Variants in AQR observed in about 807,000 individuals in gnomAD.
AQR encodes the protein aquarius intron-binding spliceosomal factor.
AQR carries 61 observed loss-of-function variants against 180.5 expected under a neutral mutation model. That is an observed-to-expected ratio of 0.34 (90% CI 0.28 to 0.42). The LOEUF (loss-of-function observed/expected upper bound fraction) is 0.42, where lower values mean the gene tolerates loss of function less well. Among genes scored for constraint, AQR ranks in the 10% least tolerant of loss-of-function variants. The pLI is 1.00. For missense variants in AQR, 1,281 were observed against 1,798.3 expected, an observed-to-expected ratio of 0.71 and a Z score of 5.20; for synonymous variants, 551 against 588.8, an observed-to-expected ratio of 0.94 and a Z score of 0.93.
chr15:34,880,685 G>A (rs1468468501), intron 27 of AQR, among the ~76,000 whole-genome samples: 2 of 152,196 alleles, frequency 1.3e-5, no homozygotes, highest in East Asian at 1.9e-4. Context: ...CCAAAGTTAC[G>A]ACATAACTAT....
chr15:34,874,507 T>A, intron 29 of AQR, 170 bp downstream of exon 29: 1 of 595,600 alleles, frequency 1.7e-6, no homozygotes, highest in Non-Finnish European at 2.9e-6. Flanking sequence ...AATTATTTGG[T>A]CCATTCACAT....
At chr15:34,902,461 T>C (rs1235644084) in intron 19 of AQR, among the ~76,000 whole-genome samples, 1 of 151,454 alleles carries the variant, frequency 6.6e-6, no homozygotes, top group Non-Finnish European at 1.5e-5. Context: ...TCATTCCCCC[T>C]CTTTCTTGGA....
intron 24 of AQR, among the ~76,000 whole-genome samples, chr15:34,889,481 TAAATA>T (rs1308271228): frequency 6.6e-6 from 1 of 152,182 alleles, no homozygotes; most frequent in African/African-American, 2.4e-5. Flanking sequence ...GATTTAAATA[TAAATA>T]AAATGAGACA....
chr15:34,869,989 T>C (rs1892792500), intron 31 of AQR: 1 of 152,190 alleles, frequency 6.6e-6, no homozygotes, highest in African/African-American at 2.4e-5. Context: ...CCCTTTATAC[T>C]ATTCATCACT....
At position 34,943,616 on chromosome 15, in the gene AQR, A is replaced by T. The variant is rs115535409; in HGVS notation, c.471+672T>A. 2.9e-3 allele frequency among the ~76,000 whole-genome samples: 436 copies of T among 152,292 alleles called. 2 individuals carry two copies. Among genetic ancestry groups the T allele is most frequent in the African/African-American group, 0.01 (417 of 41,566 alleles). ...ATCCATCTATTAACACTCAGTCTTCAGAATAAGAAAGAACTCCATGCATTC... is the reference window on the plus strand; with the variant it reads ...ATCCATCTATTAACACTCAGTCTTCTGAATAAGAAAGAACTCCATGCATTC... On this transcript the variant is annotated intron_variant, in intron 6 of 34. Coordinates refer to ENST00000156471, the MANE Select transcript of AQR (RefSeq NM_014691.3).
chr15:34,938,686 G>T, intron 9 of AQR, 51 bp downstream of exon 9: 1 of 1,157,138 alleles, frequency 8.6e-7, no homozygotes, highest in South Asian at 1.3e-5. Context: ...AAATACCATA[G>T]GGGCAGCTAT....
chr15:34,899,945 T>C (rs1467620000), intron 20 of AQR, among the ~76,000 whole-genome samples: 1 of 152,170 alleles, frequency 6.6e-6, no homozygotes, highest in Non-Finnish European at 1.5e-5. Flanking sequence ...CAGGCTGGAG[T>C]ACAGTGGCAC....
At chr15:34,965,009 G>A (rs926917232) in intron 1 of AQR, among the ~76,000 whole-genome samples, 1 of 152,172 alleles carries the variant, frequency 6.6e-6, no homozygotes, top group Non-Finnish European at 1.5e-5. Context: ...TGACTACTCT[G>A]CAGTGTCTGG....
At chr15:34,956,426 G>A (rs1026666871) in intron 3 of AQR, among the ~76,000 whole-genome samples, 5 of 151,930 alleles carry the variant, frequency 3.3e-5, no homozygotes, top group Non-Finnish European at 5.9e-5. Context: ...CGAGGTGGGC[G>A]GATCACCTGA....
intron 13 of AQR, among the ~76,000 whole-genome samples, chr15:34,923,786 A>G (rs1893715640): frequency 6.6e-6 from 1 of 152,186 alleles, no homozygotes; most frequent in Non-Finnish European, 1.5e-5. Context: ...CTATACATCT[A>G]TCCATGTATC....
chr15:34,954,102 G>C (rs1162445433), intron 3 of AQR, among the ~76,000 whole-genome samples: 1 of 152,024 alleles, frequency 6.6e-6, no homozygotes, highest in Non-Finnish European at 1.5e-5. Flanking sequence ...TTTTAGTAGA[G>C]ATAGGGGTTT....
At chr15:34,892,136 T>C (rs983069963) in intron 23 of AQR, among the ~76,000 whole-genome samples, 3 of 152,174 alleles carry the variant, frequency 2.0e-5, no homozygotes, top group Admixed American at 6.5e-5. Flanking sequence ...TTGACTACCA[T>C]GCAAATTTCA....
At chr15:34,874,576 G>T in intron 29 of AQR, 101 bp downstream of exon 29, 1 of 1,413,466 alleles carries the variant, frequency 7.1e-7, no homozygotes, top group Non-Finnish European at 9.7e-7. Context: ...TTCCTGGATA[G>T]CCAAGAATGC....
At chr15:34,935,901 C>T (rs973601911) in intron 9 of AQR, among the ~76,000 whole-genome samples, 34 of 152,302 alleles carry the variant, frequency 2.2e-4, no homozygotes, top group African/African-American at 8.2e-4. Context: ...TTGTAACTGT[C>T]AAAGGAAAAC....
chr15:34,885,950 AACTG>A (rs1007669710), intron 25 of AQR, among the ~76,000 whole-genome samples: 2 of 152,206 alleles, frequency 1.3e-5, no homozygotes, highest in African/African-American at 4.8e-5. Context: ...TTAATAATCC[AACTG>A]ACTATTAAAG....
At chr15:34,903,578 G>A (rs531535723) in intron 19 of AQR, among the ~76,000 whole-genome samples, 2 of 152,226 alleles carry the variant, frequency 1.3e-5, no homozygotes, top group African/African-American at 4.8e-5. Context: ...AACAGGGAGA[G>A]ATGAAGAACA....
rs372025078 is a variant in AQR at position 34,860,031 on chromosome 15, G to C, written c.4143+11C>G. ...AGCAAGAAAAATAAAAGTCGATTTT[G>C]AGAAACTCACCTGATGATAATGATG... On this transcript the variant is annotated intron_variant, in intron 34 of 34. Transcript: ENST00000156471. The C allele has an allele frequency of 3.8e-6, 5 of 1,307,442 alleles. No homozygotes were observed. The highest frequency in any genetic ancestry group is 5.0e-6 in the Non-Finnish European group (5 of 991,780). The allele number at this position is 1,307,442 out of a possible 1,614,324, so 81.0% of individuals were successfully genotyped here.
intron 32 of AQR, among the ~76,000 whole-genome samples, chr15:34,864,426 G>A (rs1031657149): frequency 2.6e-5 from 4 of 152,066 alleles, no homozygotes; most frequent in African/African-American, 9.7e-5. Context: ...ATTCATGAAG[G>A]AAATATTATT....
intron 30 of AQR, among the ~76,000 whole-genome samples, chr15:34,871,438 C>A (rs112957577): frequency 5.5e-4 from 81 of 147,192 alleles, no homozygotes; most frequent in African/African-American, 1.6e-3. Flanking sequence ...GCTTGGGAGG[C>A]AGAGGTTGTG....
Sources: gnomAD v4.1 joint callset for allele counts (sites outside exome capture counted in the v4.1 genomes callset) on GRCh38, gnomAD v4.1.1 for gene constraint, MANE v1.5 for transcripts, NCBI Gene and HGNC (gene_info 2026-07-23, HGNC 2026-07-21) for gene names.